HHIP: variants seen among roughly 807,000 people sequenced by gnomAD.
HHIP encodes hedgehog-interacting protein.
Under a neutral mutation model 74.0 loss-of-function variants are expected in HHIP, and 12 were observed. The observed-to-expected ratio is 0.16, with a 90% CI of 0.10 to 0.26. The LOEUF is 0.26. HHIP is among the 10% of genes least tolerant of loss of function. The pLI is 1.00. For missense variants in HHIP, 788 were observed against 845.0 expected, an observed-to-expected ratio of 0.93 and a Z score of 0.84; for synonymous variants, 309 against 311.6, an observed-to-expected ratio of 0.99 and a Z score of 0.09.
chr4:144,688,359 G>A (rs1185543196), intron 4 of HHIP, among the ~76,000 whole-genome samples: 1 of 152,132 alleles, frequency 6.6e-6, no homozygotes, highest in Non-Finnish European at 1.5e-5. Context: ...AGTCCCAGCG[G>A]TGCTGGTGCT....
intron 4 of HHIP, among the ~76,000 whole-genome samples, chr4:144,701,129 A>G (rs1348014931): frequency 6.6e-6 from 1 of 152,196 alleles, no homozygotes; most frequent in Non-Finnish European, 1.5e-5. Context: ...AATTCAAAAT[A>G]CCACCACTCT....
intron 4 of HHIP, among the ~76,000 whole-genome samples, chr4:144,695,513 C>T (rs1273676405): frequency 6.6e-6 from 1 of 151,180 alleles, no homozygotes; most frequent in Non-Finnish European, 1.5e-5. Flanking sequence ...CTTGGTGGTG[C>T]ATTTTCACAT....
In HHIP at chr4:144,738,807, G is replaced by A. The variant is rs1169557651; in HGVS notation, c.*850G>A. Reference sequence around the variant, plus strand: ...ACTTAATTGGAAAGAAGGGGAGTGAGAAAGCAAACAGTCTTTAATGTGCTG... The same window carrying A: ...ACTTAATTGGAAAGAAGGGGAGTGAAAAAGCAAACAGTCTTTAATGTGCTG... On this transcript the variant is annotated 3_prime_UTR_variant, in exon 13 of 13. Coordinates refer to ENST00000296575, the MANE Select transcript of HHIP (RefSeq NM_022475.3). The A allele has an allele frequency of 4.6e-6, 2 of 432,542 alleles. No individual in the cohort carries two copies. The highest frequency in any genetic ancestry group is 3.1e-6 in the Non-Finnish European group (1 of 324,670). 26.8% of individuals were successfully genotyped at this position (432,542 alleles called of 1,614,324 possible).
At chr4:144,719,706 A>G (rs1455277019) in intron 11 of HHIP, among the ~76,000 whole-genome samples, 1 of 152,232 alleles carries the variant, frequency 6.6e-6, no homozygotes, top group Non-Finnish European at 1.5e-5. Context: ...AAATTTAGAA[A>G]CAGCTAATCA....
intron 4 of HHIP, among the ~76,000 whole-genome samples, chr4:144,681,762 A>C (rs1578695788): frequency 6.6e-6 from 1 of 152,322 alleles, no homozygotes; most frequent in East Asian, 1.9e-4. Flanking sequence ...AGCATGCTTT[A>C]GCATCTCATT....
intron 11 of HHIP, among the ~76,000 whole-genome samples, chr4:144,733,252 A>T (rs1384697124): frequency 6.6e-6 from 1 of 152,198 alleles, no homozygotes; most frequent in East Asian, 1.9e-4. Flanking sequence ...GGCCTTTCAC[A>T]TAAATTGACC....
At chr4:144,653,978 T>C (rs1020971090) in intron 2 of HHIP, among the ~76,000 whole-genome samples, 2 of 152,190 alleles carry the variant, frequency 1.3e-5, no homozygotes, top group Non-Finnish European at 2.9e-5. Flanking sequence ...CACGGTTGCC[T>C]AGATGGCCTA....
intron 11 of HHIP, among the ~76,000 whole-genome samples, chr4:144,730,052 T>A (rs1730910903): frequency 6.6e-6 from 1 of 152,182 alleles, no homozygotes; most frequent in Admixed American, 6.5e-5. Context: ...AAATTAAATA[T>A]CATGAAATGA....
At chr4:144,701,077 T>C (rs56232605) in intron 4 of HHIP, among the ~76,000 whole-genome samples, 3,553 of 152,226 alleles carry the variant, frequency 0.023, 138 homozygotes, top group African/African-American at 0.081. Context: ...ATAAAAGAAA[T>C]GTGAAAGCCT....
chr4:144,689,749 C>T (rs1729592635), intron 4 of HHIP, among the ~76,000 whole-genome samples: 1 of 152,112 alleles, frequency 6.6e-6, no homozygotes, highest in African/African-American at 2.4e-5. Flanking sequence ...AAATTGTTAA[C>T]ATTCTGTTTT....
chr4:144,714,242 T>C lies in HHIP; in HGVS notation c.1441T>C (p.Leu481=), dbSNP rs1188331072. The C allele has an allele frequency of 1.9e-6, 3 of 1,613,120 alleles. No individual in the cohort carries two copies. In the South Asian group the frequency reaches 3.3e-5, roughly 18 times the overall value. Residue 481 remains leucine (L), a synonymous_variant, in exon 9 of 13, where the codon TTA becomes CTA. Coordinates refer to ENST00000296575, the MANE Select transcript of HHIP (RefSeq NM_022475.3). ...CTTTCCAGAAAGTGAGCCATCACTT[T>C]TAGAATTCAAGCCATTCAGTAATGG... ...GKDYESEPSL[L]EFKPFSNGPL...
In HHIP at chr4:144,646,963, T is replaced by A. The variant is rs1163338638; in HGVS notation, c.279+9T>A. On this transcript the variant is annotated intron_variant, in intron 1 of 12. Coordinates refer to ENST00000296575, the MANE Select transcript of HHIP (RefSeq NM_022475.3). ...GGCGCCTGGAGAATAAGGTAGGCAC[T>A]CACCGGCTTCACGGATGCGTACTTG... 1 of 1,584,132 alleles carries A rather than the reference T, an allele frequency of 6.3e-7. No homozygotes were observed. Among genetic ancestry groups the A allele is most frequent in the Non-Finnish European group, 8.6e-7 (1 of 1,163,958 alleles).
At chr4:144,692,699 GAATAC>G (rs1729708679) in intron 4 of HHIP, among the ~76,000 whole-genome samples, 2 of 152,112 alleles carry the variant, frequency 1.3e-5, no homozygotes, top group Non-Finnish European at 2.9e-5. Context: ...TCCCCAGCTA[GAATAC>G]AATAGCCCAG....
intron 4 of HHIP, among the ~76,000 whole-genome samples, chr4:144,677,645 A>T (rs1362304720): frequency 1.3e-5 from 2 of 152,198 alleles, no homozygotes. Flanking sequence ...CTGGGCAGCA[A>T]TAACAACAGA....
In HHIP at chr4:144,741,773, A is replaced by C. The variant is rs1020770912; in HGVS notation, c.*3816A>C. The C allele has an allele frequency of 6.6e-6, 1 of 152,176 alleles. No homozygotes were observed. Among genetic ancestry groups the C allele is most frequent in the Admixed American group, 6.5e-5 (1 of 15,272 alleles). 9.4% of individuals were successfully genotyped at this position (152,176 alleles called of 1,614,324 possible). A position where few individuals can be genotyped will look rare whatever the true frequency, so the allele number is the denominator to read the frequency against. ...TTAGATGCTACATCTAGGAGCATTC[A>C]AGATATACATTAATTTAAACTTTTA... On this transcript the variant is annotated 3_prime_UTR_variant, in exon 13 of 13. Transcript: ENST00000296575.
rs199900341 is a variant in HHIP, at chr4:144,715,374, G to T, written c.1622G>T (p.Gly541Val). Residue 541 changes from glycine (G) to valine (V), a missense_variant, in exon 10 of 13, where the codon GGG becomes GTG. Physicochemically the swap from Gly to Val is moderately radical, Grantham distance 109 (BLOSUM62 -3). This residue lies in a region of HHIP where 343 missense variants were observed against 347.9 expected (regional missense o/e 0.99). Coordinates refer to ENST00000296575, the MANE Select transcript of HHIP (RefSeq NM_022475.3). ...AAACCACTCTGTCTCGGCACTAGTG[G>T]GTCCTGTAGAGGCTACTTTTCCGGT... is the stretch of plus-strand genomic sequence containing the variant. ...QEKPLCLGTS[G>V]SCRGYFSGHI... 2 of 1,613,360 alleles carry T rather than the reference G, an allele frequency of 1.2e-6. No individual in the cohort carries two copies. The highest frequency in any genetic ancestry group is 2.2e-5 in the East Asian group (1 of 44,868).
chr4:144,666,382 G>A lies in HHIP; in HGVS notation c.831+6544G>A, dbSNP rs190708726. Among the ~76,000 whole-genome samples, 310 of 151,770 alleles carry A rather than the reference G, an allele frequency of 2.0e-3. 4 individuals carry two copies. The highest frequency in any genetic ancestry group is 7.0e-3 in the African/African-American group (289 of 41,398). ...CTACAGTCTTCAAGCAAGCCATGTT[G>A]TTAGCAGACACTCTCTTCTTCTTTC... is the stretch of plus-strand genomic sequence containing the variant. On this transcript the variant is annotated intron_variant, in intron 4 of 12. Transcript: ENST00000296575.
At chr4:144,727,151 C>T (rs1159899173) in intron 11 of HHIP, among the ~76,000 whole-genome samples, 1 of 152,104 alleles carries the variant, frequency 6.6e-6, no homozygotes, top group Non-Finnish European at 1.5e-5. Context: ...GGAGGAAATC[C>T]AAGAGCAGGG....
rs148372832 is a variant in HHIP at position 144,734,817 on chromosome 4, C to G, written c.1837C>G (p.Arg613Gly). Reference sequence around the variant, plus strand: ...GACTTCAGAGTGCTCCAGGCTCTGTCGAAACGGCTACTGCACCCCCACGGG... The same window carrying G: ...GACTTCAGAGTGCTCCAGGCTCTGTGGAAACGGCTACTGCACCCCCACGGG... ...TLTSECSRLC[R>G]NGYCTPTGKC... Residue 613 changes from arginine to glycine, a missense_variant, in exon 12 of 13, where the codon CGA (arginine) becomes GGA (glycine). Around this residue, in one of 3 missense-constraint regions of HHIP, gnomAD observed 343 missense variants for 347.9 expected, o/e 0.99. Transcript: ENST00000296575. 10 of 1,612,852 alleles carry G rather than the reference C, an allele frequency of 6.2e-6. 1 individual carries two copies. The South Asian group carries it at 8.8e-5, about 14-fold the overall frequency.
Sources: gnomAD v4.1 joint callset for allele counts (sites outside exome capture counted in the v4.1 genomes callset) on GRCh38, gnomAD v4.1.1 for gene constraint, gnomAD v4.1.1 regional missense constraint, MANE v1.5 for transcripts, NCBI Gene and HGNC (gene_info 2026-07-23, HGNC 2026-07-21) for gene names.